FRRS1L: variants seen among roughly 807,000 people sequenced by gnomAD.
The protein encoded by FRRS1L is DOMON domain-containing protein FRRS1L.
In FRRS1L, 22 loss-of-function variants were observed where a neutral mutation model predicts 28.6. That is an observed-to-expected ratio of 0.77 (90% confidence interval 0.55 to 1.10). The LOEUF is 1.10. Ranked by LOEUF, FRRS1L falls within the 50% of genes least tolerant of loss-of-function variation. The pLI is 0.00. For missense variants in FRRS1L, 380 were observed against 386.9 expected, an observed-to-expected ratio of 0.98 and a Z score of 0.15; for synonymous variants, 158 against 151.4, an observed-to-expected ratio of 1.04 and a Z score of -0.32.
chr9:109,159,296 A>G (rs1039113305), intron 1 of FRRS1L, among the ~76,000 whole-genome samples: 1 of 151,906 alleles, frequency 6.6e-6, no homozygotes, highest in African/African-American at 2.4e-5. Flanking sequence ...TTATATGTCA[A>G]TTTGGCTGGC....
intron 1 of FRRS1L, among the ~76,000 whole-genome samples, chr9:109,163,599 A>G (rs2118515575): frequency 6.6e-6 from 1 of 152,296 alleles, no homozygotes; most frequent in Non-Finnish European, 1.5e-5. Context: ...TACTGGGGAA[A>G]TAGTCTCTGG....
At position 109,141,514 on chromosome 9, in the gene FRRS1L, G is replaced by A. The variant is rs1250129466; in HGVS notation, c.538C>T (p.Gln180Ter). The change falls in exon 4 of 5, where the codon CAG (glutamine) becomes TAG (stop). Residue 180 changes from glutamine (Q) to a stop codon, truncating the protein, a stop_gained. Coordinates refer to ENST00000561981, the MANE Select transcript of FRRS1L (RefSeq NM_014334.4). LOFTEE classifies it high-confidence loss of function. ...VRIQHFYNVG[Q>*]WAKEIQRNPA... is the part of the protein sequence containing the mutation. ...TTTCTCTGAATCTCCTTTGCCCACTGGCCTACATTATAGAAGTGCTGTATG... is the reference window on the plus strand; with the variant it reads ...TTTCTCTGAATCTCCTTTGCCCACTAGCCTACATTATAGAAGTGCTGTATG... 6.2e-7 allele frequency: 1 copy of A among 1,614,026 alleles called. No homozygotes were observed. The highest frequency in any genetic ancestry group is 8.5e-7 in the Non-Finnish European group (1 of 1,179,996).
At chr9:109,160,682 T>C (rs535395839) in intron 1 of FRRS1L, among the ~76,000 whole-genome samples, 1 of 152,126 alleles carries the variant, frequency 6.6e-6, no homozygotes, top group South Asian at 2.1e-4. Context: ...TTGTTATTCC[T>C]ACCTCAGAAA....
chr9:109,167,245 G>T lies in FRRS1L; in HGVS notation c.-107C>A, dbSNP rs1456840977. Reference sequence around the variant, plus strand: ...GAGGCCACCAGCACGCGCCCGCGCAGCCGCGGAGCCTCCCGCACCCCCGCC... The same window carrying T: ...GAGGCCACCAGCACGCGCCCGCGCATCCGCGGAGCCTCCCGCACCCCCGCC... On this transcript the variant is annotated 5_prime_UTR_variant, in exon 1 of 5. The change creates a new upstream start codon in the 5' untranslated region. Coordinates refer to ENST00000561981, the MANE Select transcript of FRRS1L (RefSeq NM_014334.4). 2.9e-6 allele frequency: 4 copies of T among 1,392,892 alleles called. No individual in the cohort carries two copies. Among genetic ancestry groups the T allele is most frequent in the Non-Finnish European group, 3.7e-6 (4 of 1,069,506 alleles). 86.3% of individuals were successfully genotyped at this position (1,392,892 alleles called of 1,614,324 possible).
rs552253352 is a variant in FRRS1L at position 109,136,341 on chromosome 9, T to C, written c.*1114A>G. The C allele has an allele frequency of 2.0e-5, 3 of 151,244 alleles. No homozygotes were observed. The South Asian group carries it at 6.2e-4, about 31-fold the overall frequency. The allele number at this position is 151,244 out of a possible 1,614,324, so 9.4% of individuals were successfully genotyped here. On this transcript the variant is annotated 3_prime_UTR_variant, in exon 5 of 5. Coordinates refer to ENST00000561981, the MANE Select transcript of FRRS1L (RefSeq NM_014334.4). ...ACCTTAGTTTTATAAAATTCAGTGG[T>C]AGAAAAGTTCAAATTCTAACTGCTA...
chr9:109,159,002 A>C (rs1017017275), intron 1 of FRRS1L, among the ~76,000 whole-genome samples: 3 of 152,220 alleles, frequency 2.0e-5, no homozygotes, highest in African/African-American at 7.2e-5. Context: ...AAAAAAATCA[A>C]CCATCCTAGT....
intron 3 of FRRS1L, among the ~76,000 whole-genome samples, chr9:109,144,103 A>T (rs1300378050): frequency 6.6e-6 from 1 of 152,086 alleles, no homozygotes; most frequent in Non-Finnish European, 1.5e-5. Flanking sequence ...TTTCAATGCA[A>T]GCCAGCTTCT....
intron 1 of FRRS1L, among the ~76,000 whole-genome samples, chr9:109,156,489 A>C (rs1250398541): frequency 1.3e-5 from 2 of 150,912 alleles, no homozygotes; most frequent in Non-Finnish European, 3.0e-5. Flanking sequence ...CCCGGGTTCA[A>C]GCGATTCTCC....
chr9:109,153,577 T>C (rs1383431900), intron 1 of FRRS1L, among the ~76,000 whole-genome samples: 3 of 152,226 alleles, frequency 2.0e-5, no homozygotes, highest in Non-Finnish European at 4.4e-5. Context: ...TTTTTTTCCC[T>C]GAGTTCTGTG....
chr9:109,158,266 T>C (rs571616160), intron 1 of FRRS1L, among the ~76,000 whole-genome samples: 1 of 152,370 alleles, frequency 6.6e-6, no homozygotes, highest in South Asian at 2.1e-4. Flanking sequence ...TCCATTTAAA[T>C]TTTCGAGTGT....
intron 1 of FRRS1L, 153 bp from the exon 2 acceptor site, chr9:109,149,873 A>G (rs1564232374): frequency 3.2e-6 from 2 of 624,590 alleles, no homozygotes; most frequent in Middle Eastern, 3.3e-4. Flanking sequence ...CATCCCCTTC[A>G]TGGGGGAGGG....
In FRRS1L at chr9:109,133,139, A is replaced by T. The variant is rs181200165; in HGVS notation, c.*4316T>A. The T allele has an allele frequency of 2.9e-4, 44 of 152,376 alleles. No homozygotes were observed. Among genetic ancestry groups the T allele is most frequent in the Non-Finnish European group, 3.8e-4 (26 of 68,034 alleles). The allele number at this position is 152,376 out of a possible 1,614,324, so 9.4% of individuals were successfully genotyped here. A position where few individuals can be genotyped will look rare whatever the true frequency, so the allele number is the denominator to read the frequency against. On this transcript the variant is annotated 3_prime_UTR_variant, in exon 5 of 5. Transcript: ENST00000561981. ...CAGCTTCTGCATTCTATCTGAAATC[A>T]TGTTTATATATTCACCTTTTGACTC...
At chr9:109,160,806 T>A (rs1421223372) in intron 1 of FRRS1L, among the ~76,000 whole-genome samples, 1 of 150,178 alleles carries the variant, frequency 6.7e-6, no homozygotes, top group Admixed American at 6.6e-5. Flanking sequence ...TTTTTTTTTT[T>A]TTTTTAGACA....
At chr9:109,139,836 G>T (rs1163621429) in intron 4 of FRRS1L, 2 of 152,180 alleles carry the variant, frequency 1.3e-5, no homozygotes, top group African/African-American at 4.8e-5. Flanking sequence ...GGGCTGATTG[G>T]TGGAAACGAA....
At chr9:109,145,588 G>A (rs1030564343) in intron 3 of FRRS1L, among the ~76,000 whole-genome samples, 3 of 151,830 alleles carry the variant, frequency 2.0e-5, no homozygotes, top group Non-Finnish European at 4.4e-5. Flanking sequence ...GATTACACCT[G>A]TAATCTCAGC....
chr9:109,146,755 T>G (rs991271947), intron 3 of FRRS1L, among the ~76,000 whole-genome samples: 1 of 152,106 alleles, frequency 6.6e-6, no homozygotes, highest in African/African-American at 2.4e-5. Flanking sequence ...TCCATGAACA[T>G]GTGAGCAAGC....
Position 109,132,353 on chromosome 9 carries a change from C to A in FRRS1L, c.*5102G>T, listed in dbSNP as rs995672971. On this transcript the variant is annotated 3_prime_UTR_variant, in exon 5 of 5. Transcript: ENST00000561981. ...ATCCTTACCATGAAGAGCAGTTCAG[C>A]GCAATGGTTGTCCATGATCACCACA... 6.6e-6 allele frequency: 1 copy of A among 152,194 alleles called. No homozygotes were observed. Among genetic ancestry groups the A allele is most frequent in the Non-Finnish European group, 1.5e-5 (1 of 68,036 alleles). 9.4% of individuals were successfully genotyped at this position (152,194 alleles called of 1,614,324 possible).
At chr9:109,144,832 C>T (rs915538330) in intron 3 of FRRS1L, among the ~76,000 whole-genome samples, 7 of 151,596 alleles carry the variant, frequency 4.6e-5, no homozygotes, top group Non-Finnish European at 8.8e-5. Context: ...TACAGGCGCC[C>T]GCCACCACAC....
rs1243858776 is a variant in FRRS1L, at chr9:109,135,065, C to A, written c.*2390G>T. The A allele has an allele frequency of 1.3e-5, 2 of 152,204 alleles. No individual in the cohort carries two copies. Among genetic ancestry groups the A allele is most frequent in the Admixed American group, 6.5e-5 (1 of 15,274 alleles). 9.4% of individuals were successfully genotyped at this position (152,204 alleles called of 1,614,324 possible). A position where few individuals can be genotyped will look rare whatever the true frequency, so the allele number is the denominator to read the frequency against. On this transcript the variant is annotated 3_prime_UTR_variant, in exon 5 of 5. Transcript: ENST00000561981. ...TTTCTCCTCCATCCCTCCTTGGAAG[C>A]TTTTGGTAACTGTGTTTGTTGATGT... is the stretch of plus-strand genomic sequence containing the variant.
Sources: allele counts gnomAD v4.1 joint callset (sites outside exome capture counted in the v4.1 genomes callset), GRCh38; gene constraint gnomAD v4.1.1; transcripts MANE v1.5; gene names NCBI Gene and HGNC (gene_info 2026-07-23, HGNC 2026-07-21).